The following PTPN9 variants were observed in gnomAD, a reference collection of about 807,000 sequenced individuals.
The protein encoded by PTPN9 is protein tyrosine phosphatase non-receptor type 9, also known as tyrosine-protein phosphatase non-receptor type 9.
A neutral mutation model predicts 69.8 loss-of-function variants in PTPN9; 26 were observed. The ratio of observed to expected loss-of-function variants is 0.37; its 90% confidence interval spans 0.27 to 0.52. PTPN9 has a LOEUF of 0.52. Ranked by LOEUF, PTPN9 falls within the 20% of genes least tolerant of loss-of-function variation. The pLI, the probability that PTPN9 is intolerant of heterozygous loss-of-function variation, is 0.91. For missense variants in PTPN9, 549 were observed against 740.3 expected (o/e 0.74, Z 3.00); for synonymous variants, 274 against 272.5 (o/e 1.01, Z -0.05).
intron 1 of PTPN9, among the ~76,000 whole-genome samples, chr15:75,564,885 C>G (rs2075120050): frequency 6.6e-6 from 1 of 151,640 alleles, no homozygotes; most frequent in Admixed American, 6.6e-5. Flanking sequence ...GGGCAGATCA[C>G]GAGGTCAGGA....
At chr15:75,486,478 G>A (rs879047925) in intron 8 of PTPN9, among the ~76,000 whole-genome samples, 1 of 152,150 alleles carries the variant, frequency 6.6e-6, no homozygotes, top group Non-Finnish European at 1.5e-5. Flanking sequence ...CCCCAAATCT[G>A]CCAGCACGTT....
intron 1 of PTPN9, among the ~76,000 whole-genome samples, chr15:75,552,889 T>C (rs2141336044): frequency 6.6e-6 from 1 of 150,608 alleles, no homozygotes; most frequent in South Asian, 2.1e-4. Context: ...AGAACAAATA[T>C]ATGGTAAAAA....
At chr15:75,506,940 C>T (rs1247510216) in intron 6 of PTPN9, among the ~76,000 whole-genome samples, 1 of 152,090 alleles carries the variant, frequency 6.6e-6, no homozygotes, top group Non-Finnish European at 1.5e-5. Context: ...TCCTGCAGAG[C>T]CAAAGTCCTC....
At chr15:75,486,149 C>T (rs2074675962) in intron 8 of PTPN9, among the ~76,000 whole-genome samples, 1 of 146,988 alleles carries the variant, frequency 6.8e-6, no homozygotes, top group South Asian at 2.2e-4. Flanking sequence ...ATAAAGTATA[C>T]ACTTGGGGGA....
chr15:75,572,855 CA>C (rs2075155204), intron 1 of PTPN9, among the ~76,000 whole-genome samples: 1 of 152,250 alleles, frequency 6.6e-6, no homozygotes, highest in Non-Finnish European at 1.5e-5. Flanking sequence ...TTTTAAGGAA[CA>C]AATTTTTTTC....
intron 1 of PTPN9, among the ~76,000 whole-genome samples, chr15:75,539,415 G>A (rs1437257367): frequency 6.6e-6 from 1 of 151,264 alleles, no homozygotes; most frequent in East Asian, 1.9e-4. Flanking sequence ...CCAAGTTCAA[G>A]TGATTCTCCT....
chr15:75,562,484 T>A (rs1259556563), intron 1 of PTPN9, among the ~76,000 whole-genome samples: 1 of 151,840 alleles, frequency 6.6e-6, no homozygotes, highest in Non-Finnish European at 1.5e-5. Context: ...ACCAGAAGAG[T>A]GAGTCTCAGC....
intron 1 of PTPN9, among the ~76,000 whole-genome samples, chr15:75,544,260 G>A (rs375821523): frequency 6.6e-5 from 10 of 152,192 alleles, no homozygotes; most frequent in African/African-American, 1.9e-4. Context: ...CTGGCCAGGC[G>A]TGGGGGCTCA....
intron 1 of PTPN9, among the ~76,000 whole-genome samples, chr15:75,547,294 CAAAAAAAAAAAA>C (rs71140170): frequency 1.7e-5 from 1 of 60,032 alleles, no homozygotes; most frequent in Non-Finnish European, 3.0e-5. Flanking sequence ...GACTCTGTCT[CAAAAAAAAAAAA>C]AAAAAAAAAA....
intron 1 of PTPN9, among the ~76,000 whole-genome samples, chr15:75,563,658 C>G (rs751546183): frequency 9.2e-5 from 14 of 152,220 alleles, no homozygotes; most frequent in Non-Finnish European, 2.1e-4. Context: ...AAGGTTGATT[C>G]TATGTGTCAG....
intron 3 of PTPN9, 80 bp downstream of exon 3, chr15:75,524,129 A>AC (rs1338195766): frequency 1.1e-5 from 7 of 661,382 alleles, no homozygotes; most frequent in African/African-American, 3.8e-5. Flanking sequence ...AAAAAAAAAA[A>AC]AAAAAAACAA....
intron 7 of PTPN9, among the ~76,000 whole-genome samples, chr15:75,503,534 G>A (rs1454045851): frequency 2.5e-4 from 29 of 116,936 alleles, no homozygotes; most frequent in East Asian, 2.0e-3. Flanking sequence ...CGCCCCGTCC[G>A]GGAGGGAGGT....
intron 1 of PTPN9, among the ~76,000 whole-genome samples, chr15:75,566,757 G>A (rs2075128093): frequency 6.6e-6 from 1 of 152,032 alleles, no homozygotes; most frequent in Admixed American, 6.6e-5. Context: ...GGAGGCTGAA[G>A]CGGAAGGATA....
chr15:75,544,949 C>T (rs1044559081), intron 1 of PTPN9, among the ~76,000 whole-genome samples: 13 of 152,170 alleles, frequency 8.5e-5, no homozygotes, highest in Non-Finnish European at 1.8e-4. Flanking sequence ...CCAAACCTGG[C>T]TTATTCCTAT....
chr15:75,545,856 C>A (rs960883830), intron 1 of PTPN9, among the ~76,000 whole-genome samples: 1 of 152,040 alleles, frequency 6.6e-6, no homozygotes, highest in Non-Finnish European at 1.5e-5. Context: ...AGCTGAGGCA[C>A]GAGAATTGCT....
chr15:75,548,715 G>A (rs535841692), intron 1 of PTPN9, among the ~76,000 whole-genome samples: 9 of 145,420 alleles, frequency 6.2e-5, no homozygotes, highest in South Asian at 2.2e-4. Context: ...GTGCAGGGGC[G>A]CGATCTTGGC....
Position 75,559,171 on chromosome 15 carries a change from C to T in PTPN9, c.63+19543G>A, listed in dbSNP as rs796911554. ...GTCTGGGATGTGAGGAGCGCCTCTG[C>T]CCGGCCGCCCCGTCTAAGTGAGGAG... On this transcript the variant is annotated intron_variant, in intron 1 of 12. Transcript: ENST00000618819. 6.2e-4 allele frequency among the ~76,000 whole-genome samples: 94 copies of T among 152,022 alleles called. 1 individual carries two copies. Among genetic ancestry groups the T allele is most frequent in the African/African-American group, 2.0e-3 (81 of 41,534 alleles).
chr15:75,549,262 G>A (rs1050294827), intron 1 of PTPN9, among the ~76,000 whole-genome samples: 4 of 152,048 alleles, frequency 2.6e-5, no homozygotes, highest in East Asian at 3.9e-4. Flanking sequence ...TTACAGTGGT[G>A]AGGACATGGC....
chr15:75,487,765 T>C (rs1353322967), intron 8 of PTPN9: 1 of 152,188 alleles, frequency 6.6e-6, no homozygotes, highest in African/African-American at 2.4e-5. Flanking sequence ...GGACTGTGAA[T>C]TCAGTTTATG....
Sources: gnomAD v4.1 joint callset for allele counts (sites outside exome capture counted in the v4.1 genomes callset) on GRCh38, gnomAD v4.1.1 for gene constraint, MANE v1.5 for transcripts, NCBI Gene and HGNC (gene_info 2026-07-23, HGNC 2026-07-21) for gene names.